The following CD79A variants were observed in gnomAD, a reference collection of about 807,000 sequenced individuals.
CD79A encodes B-cell antigen receptor complex-associated protein alpha chain.
In CD79A, 16 loss-of-function variants were observed where a neutral mutation model predicts 27.4. The ratio of observed to expected loss-of-function variants is 0.58; its 90% confidence interval spans 0.40 to 0.89. The LOEUF (loss-of-function observed/expected upper bound fraction) is 0.89. Among genes scored for constraint, CD79A ranks in the 40% least tolerant of loss-of-function variants. The probability of loss-of-function intolerance (pLI) is 0.00; values close to 1 mark genes in which losing one functional copy is unlikely to be tolerated. For synonymous variants in CD79A, 110 were observed against 132.7 expected (o/e 0.83, Z 1.18); for missense variants, 237 against 299.7 (o/e 0.79, Z 1.55).
chr19:41,880,441 A>AGGAAG (rs1308684357), intron 3 of CD79A, among the ~76,000 whole-genome samples: 10,126 of 98,996 alleles, frequency 0.1, 1,188 homozygotes, highest in Middle Eastern at 0.18. Context: ...GAGGGAGGGA[A>AGGAAG]GGAAGGGAAG....
chr19:41,877,600 C>T lies in CD79A; in HGVS notation c.79+217C>T, dbSNP rs1433182971. Among the ~76,000 whole-genome samples, 1 of 152,154 alleles carries T rather than the reference C, an allele frequency of 6.6e-6. No individual in the cohort carries two copies. The highest frequency in any genetic ancestry group is 2.4e-5 in the African/African-American group (1 of 41,426). ...GAAGGAGAAGGGGCGTCCACAGTCT[C>T]ACACAGGGAGGCAGGAGCAAGAGTC... On this transcript the variant is annotated intron_variant, in intron 1 of 4. Transcript: ENST00000221972. This position sits in a 1 kb window ranked among gnomAD's most constrained non-coding sequence, Gnocchi z 4.1.
Position 41,877,336 on chromosome 19 carries a change from T to C in CD79A, c.32T>C (p.Leu11Pro). MPGGPGVLQA[L>P]PATIFLLFLL... ...GGGGGTCCAGGAGTCCTCCAAGCTC[T>C]GCCTGCCACCATCTTCCTCCTCTTC... Residue 11 changes from leucine (L) to proline (P), a missense_variant, in exon 1 of 5, where the codon CTG becomes CCG. Coordinates refer to ENST00000221972, the MANE Select transcript of CD79A (RefSeq NM_001783.4). The surrounding 1 kb of genome is among the most constrained non-coding windows in gnomAD (Gnocchi z 4.1). The C allele has an allele frequency of 6.2e-7, 1 of 1,614,154 alleles. No individual in the cohort carries two copies. Among genetic ancestry groups the C allele is most frequent in the Non-Finnish European group, 8.5e-7 (1 of 1,180,014 alleles).
chr19:41,877,295 C>T lies in CD79A; in HGVS notation c.-10C>T. On this transcript the variant is annotated 5_prime_UTR_variant, in exon 1 of 5. Coordinates refer to ENST00000221972, the MANE Select transcript of CD79A (RefSeq NM_001783.4). The surrounding 1 kb of genome is among the most constrained non-coding windows in gnomAD (Gnocchi z 4.1). ...GCTGCAACTCAAACTAACCAACCCA[C>T]TGGGAGAAGATGCCTGGGGGTCCAG... is the stretch of plus-strand genomic sequence containing the variant. 1.2e-6 allele frequency: 2 copies of T among 1,612,568 alleles called. No homozygotes were observed. The highest frequency in any genetic ancestry group is 1.7e-6 in the Non-Finnish European group (2 of 1,178,500).
chr19:41,878,135 C>T lies in CD79A; in HGVS notation c.79+752C>T, dbSNP rs978788367. On this transcript the variant is annotated intron_variant, in intron 1 of 4. Transcript: ENST00000221972. The surrounding 1 kb of genome is among the most constrained non-coding windows in gnomAD (Gnocchi z 4.3). ...ATTGGACACTGCAGCCAGCCTGAGC[C>T]GCCTCGTCTCACTCAGAGACACCCC... 6.6e-6 allele frequency among the ~76,000 whole-genome samples: 1 copy of T among 152,016 alleles called. No individual in the cohort carries two copies. The highest frequency in any genetic ancestry group is 2.4e-5 in the African/African-American group (1 of 41,356).
chr19:41,879,297 G>T lies in CD79A; in HGVS notation c.379+8G>T. 3 of 1,610,292 alleles carry T rather than the reference G, an allele frequency of 1.9e-6. No homozygotes were observed. Among genetic ancestry groups the T allele is most frequent in the Non-Finnish European group, 2.5e-6 (3 of 1,179,320 alleles). ...CCTACCTCCGCGTGCGCCGTGAGTG[G>T]CCCAGCCCTGGCCCCTACTCCCACT... On this transcript the variant is annotated splice_region_variant and intron_variant, in intron 2 of 4. Transcript: ENST00000221972. This position sits in a 1 kb window ranked among gnomAD's most constrained non-coding sequence, Gnocchi z 5.1.
At chr19:41,880,574 C>A (rs1555844030) in intron 3 of CD79A, 96 bp from the exon 4 acceptor site, 1 of 882,324 alleles carries the variant, frequency 1.1e-6, no homozygotes, top group East Asian at 2.6e-5. Context: ...ACATCTCTTA[C>A]CCTTTCTGGA....
At chr19:41,880,503 A>AGGAG (rs2074217185) in intron 3 of CD79A, among the ~76,000 whole-genome samples, 167 bp from the exon 4 acceptor site, 1 of 146,938 alleles carries the variant, frequency 6.8e-6, no homozygotes, top group Non-Finnish European at 1.5e-5. Flanking sequence ...GAAGGAAGGA[A>AGGAG]GGAGAACACT....
rs2074211247 is a variant in CD79A at position 41,879,813 on chromosome 19, A to G, written c.498+160A>G. 6.6e-6 allele frequency among the ~76,000 whole-genome samples: 1 copy of G among 152,184 alleles called. No individual in the cohort carries two copies. Among genetic ancestry groups the G allele is most frequent in the South Asian group, 2.1e-4 (1 of 4,832 alleles). ...CTGTGGGAGTTAAATGAATGAATAT[A>G]AAGAAGGGACTTGAACTGGCGCTGA... is the stretch of plus-strand genomic sequence containing the variant. On this transcript the variant is annotated intron_variant, in intron 3 of 4. Coordinates refer to ENST00000221972, the MANE Select transcript of CD79A (RefSeq NM_001783.4). This position sits in a 1 kb window ranked among gnomAD's most constrained non-coding sequence, Gnocchi z 5.1.
Position 41,879,713 on chromosome 19 carries a change from T to C in CD79A, c.498+60T>C. On this transcript the variant is annotated intron_variant, in intron 3 of 4. Coordinates refer to ENST00000221972, the MANE Select transcript of CD79A (RefSeq NM_001783.4). This position sits in a 1 kb window ranked among gnomAD's most constrained non-coding sequence, Gnocchi z 5.1. ...AGGGCCTGGGCCGAGGGACCCCCAA[T>C]ACCCAGGTAGCCCTCTAGAGCCTGA... 1 of 1,145,098 alleles carries C rather than the reference T, an allele frequency of 8.7e-7. No individual in the cohort carries two copies. The highest frequency in any genetic ancestry group is 1.8e-5 in the Admixed American group (1 of 57,054). 70.9% of individuals were successfully genotyped at this position (1,145,098 alleles called of 1,614,324 possible). A position where few individuals can be genotyped will look rare whatever the true frequency, so the allele number is the denominator to read the frequency against.
Position 41,881,057 on chromosome 19 carries a change from TCTCCTTTCA to T in CD79A, c.*78_*86del. ...GTCTCAGCTCACTTCCCTGGGACAT[TCTCCTTTCA>T]GCCCTTCTGGGGGCTTCCTTAGTCA... On this transcript the variant is annotated 3_prime_UTR_variant, in exon 5 of 5. Coordinates refer to ENST00000221972, the MANE Select transcript of CD79A (RefSeq NM_001783.4). 1.1e-6 allele frequency: 1 copy of T among 900,294 alleles called. No homozygotes were observed. The allele number at this position is 900,294 out of a possible 1,614,324, so 55.8% of individuals were successfully genotyped here. A position where few individuals can be genotyped will look rare whatever the true frequency, so the allele number is the denominator to read the frequency against.
intron 3 of CD79A, among the ~76,000 whole-genome samples, chr19:41,880,459 A>AGGAAGGAAGGAAGGAC (rs2074216114): frequency 8.9e-6 from 1 of 112,414 alleles, no homozygotes; most frequent in Non-Finnish European, 1.8e-5. Context: ...AAGGGAAGGA[A>AGGAAGGAAGGAAGGAC]GGAAGGAAGG....
chr19:41,880,357 G>T (rs1355034451), intron 3 of CD79A, among the ~76,000 whole-genome samples: 3 of 150,322 alleles, frequency 2.0e-5, no homozygotes, highest in Admixed American at 6.7e-5. Context: ...CTTCAGCCTG[G>T]GCAACTGAGG....
Position 41,877,499 on chromosome 19 carries a change from G to A in CD79A, c.79+116G>A. The A allele has an allele frequency of 8.3e-6, 7 of 842,132 alleles. No homozygotes were observed. The highest frequency in any genetic ancestry group is 1.7e-5 in the African/African-American group (1 of 60,352). The allele number at this position is 842,132 out of a possible 1,614,324, so 52.2% of individuals were successfully genotyped here. On this transcript the variant is annotated intron_variant, in intron 1 of 4. Coordinates refer to ENST00000221972, the MANE Select transcript of CD79A (RefSeq NM_001783.4). This position sits in a 1 kb window ranked among gnomAD's most constrained non-coding sequence, Gnocchi z 4.1. ...AAAGGGGAAGAGGAGGCAGAGGATAGGGGACCCAGGGAAGATGCCTATAGA... is the reference window on the plus strand; with the variant it reads ...AAAGGGGAAGAGGAGGCAGAGGATAAGGGACCCAGGGAAGATGCCTATAGA...
intron 3 of CD79A, among the ~76,000 whole-genome samples, chr19:41,880,413 G>GAGAA (rs1180184802): frequency 3.0e-4 from 43 of 144,356 alleles, no homozygotes; most frequent in African/African-American, 1.0e-3. Context: ...GAGAGAGAGA[G>GAGAA]AGAGAGAGGG....
chr19:41,878,752 A>G lies in CD79A; in HGVS notation c.80-238A>G, dbSNP rs2074202921. Among the ~76,000 whole-genome samples, 1 of 152,122 alleles carries G rather than the reference A, an allele frequency of 6.6e-6. No homozygotes were observed. The highest frequency in any genetic ancestry group is 1.9e-4 in the East Asian group (1 of 5,168). Reference sequence around the variant, plus strand: ...CCAGGGAGTCTCATTCTCCTCTCCCAGGATATCCTCACCCACCCCAACCAG... The same window carrying G: ...CCAGGGAGTCTCATTCTCCTCTCCCGGGATATCCTCACCCACCCCAACCAG... On this transcript the variant is annotated intron_variant, in intron 1 of 4. Coordinates refer to ENST00000221972, the MANE Select transcript of CD79A (RefSeq NM_001783.4). The surrounding 1 kb of genome is among the most constrained non-coding windows in gnomAD (Gnocchi z 4.3).
At chr19:41,880,759 G>C in intron 4 of CD79A, 21 bp downstream of exon 4, 3 of 1,540,458 alleles carry the variant, frequency 1.9e-6, no homozygotes, top group Non-Finnish European at 2.6e-6. Context: ...GGTGGGGATG[G>C]GGTAGGGGCA....
At chr19:41,880,645 G>GCTGCCC in intron 3 of CD79A, 25 bp from the exon 4 acceptor site, 10 of 1,134,292 alleles carry the variant, frequency 8.8e-6, no homozygotes, top group East Asian at 2.6e-5. Context: ...GCTCACTGAG[G>GCTGCCC]CACCCACCCC....
chr19:41,879,364 G>T lies in CD79A; in HGVS notation c.379+75G>T, dbSNP rs2074207398. Reference sequence around the variant, plus strand: ...TCGGTTTATCTTTGAAGTGGGGATAGAGCCAGTACCTTCAATGTGGGTTTC... The same window carrying T: ...TCGGTTTATCTTTGAAGTGGGGATATAGCCAGTACCTTCAATGTGGGTTTC... On this transcript the variant is annotated intron_variant, in intron 2 of 4. Coordinates refer to ENST00000221972, the MANE Select transcript of CD79A (RefSeq NM_001783.4). The surrounding 1 kb of genome is among the most constrained non-coding windows in gnomAD (Gnocchi z 5.1). The T allele has an allele frequency of 1.4e-6, 2 of 1,437,210 alleles. No homozygotes were observed. The highest frequency in any genetic ancestry group is 1.4e-5 in the African/African-American group (1 of 71,342). 89.0% of individuals were successfully genotyped at this position (1,437,210 alleles called of 1,614,324 possible).
rs781893433 is a variant in CD79A at position 41,878,246 on chromosome 19, T to TA, written c.80-743dup. ...CACCCCTGACCCCTAGGTTGACACA[T>TA]ACAACTTACAGAGAATGAGGGCCAG... On this transcript the variant is annotated intron_variant, in intron 1 of 4. Transcript: ENST00000221972. The surrounding 1 kb of genome is among the most constrained non-coding windows in gnomAD (Gnocchi z 4.3). 2.0e-5 allele frequency among the ~76,000 whole-genome samples: 3 copies of TA among 152,088 alleles called. No individual in the cohort carries two copies. Among genetic ancestry groups the TA allele is most frequent in the Non-Finnish European group, 2.9e-5 (2 of 68,020 alleles).
Sources: allele counts gnomAD v4.1 joint callset (sites outside exome capture counted in the v4.1 genomes callset), GRCh38; gene constraint gnomAD v4.1.1; non-coding constraint Gnocchi (gnomAD v3.1); transcripts MANE v1.5; gene names NCBI Gene and HGNC (gene_info 2026-07-23, HGNC 2026-07-21).